Variants in MAP3K13 observed in about 807,000 individuals in gnomAD.
The protein encoded by MAP3K13 is leucine zipper-bearing kinase.
MAP3K13 carries 52 observed loss-of-function variants against 104.0 expected under a neutral mutation model. That is an observed-to-expected ratio of 0.50 (90% CI 0.40 to 0.63). MAP3K13 has a LOEUF of 0.63. Ranked by LOEUF, MAP3K13 falls within the 20% of genes least tolerant of loss-of-function variation. The pLI is 0.00. For synonymous variants in MAP3K13, 394 were observed against 442.2 expected (o/e 0.89, Z 1.37); for missense variants, 914 against 1,218.5 (o/e 0.75, Z 3.72).
In MAP3K13 at chr3:185,463,768, C is replaced by T. The variant is rs115428905; in HGVS notation, c.1388+109C>T. Reference sequence around the variant, plus strand: ...ACTTTCCACACACCTTTCACCTCTGCTTTTTATTGTTATGCTCTTTAAAAG... The same window carrying T: ...ACTTTCCACACACCTTTCACCTCTGTTTTTTATTGTTATGCTCTTTAAAAG... On this transcript the variant is annotated intron_variant, in intron 8 of 13. Transcript: ENST00000265026. 808 of 605,708 alleles carry T rather than the reference C, an allele frequency of 1.3e-3. 10 individuals carry two copies. The African/African-American group carries it at 0.013, about 10-fold the overall frequency. The allele number at this position is 605,708 out of a possible 1,614,324, so 37.5% of individuals were successfully genotyped here.
chr3:185,454,639 G>GATATATATATT (rs1431478279), intron 7 of MAP3K13, among the ~76,000 whole-genome samples: 1 of 11,206 alleles, frequency 8.9e-5, no homozygotes, highest in Non-Finnish European at 4.1e-4. Context: ...ATATATATGA[G>GATATATATATT]ATATATATAT....
intron 2 of MAP3K13, among the ~76,000 whole-genome samples, chr3:185,331,760 C>T (rs1416493566): frequency 2.0e-5 from 3 of 152,156 alleles, no homozygotes; most frequent in African/African-American, 7.2e-5. Context: ...CATTCAGCTC[C>T]CATTCAGGGT....
At chr3:185,366,548 C>T (rs1004237400) in intron 1 of MAP3K13, among the ~76,000 whole-genome samples, 1 of 152,144 alleles carries the variant, frequency 6.6e-6, no homozygotes, top group Non-Finnish European at 1.5e-5. Context: ...TTTTACATTC[C>T]CATCAGCAAT....
chr3:185,317,242 C>G (rs1240405226), intron 2 of MAP3K13, among the ~76,000 whole-genome samples: 2 of 152,160 alleles, frequency 1.3e-5, no homozygotes, highest in Non-Finnish European at 2.9e-5. Flanking sequence ...ATTGTTCTTT[C>G]GCCTTCTGAA....
chr3:185,336,209 G>T (rs1722493616), intron 2 of MAP3K13, among the ~76,000 whole-genome samples: 1 of 152,080 alleles, frequency 6.6e-6, no homozygotes, highest in African/African-American at 2.4e-5. Context: ...ATCTCAAAAA[G>T]AAGTCAAAAT....
intron 2 of MAP3K13, among the ~76,000 whole-genome samples, chr3:185,352,710 T>G (rs1489360322): frequency 6.6e-6 from 1 of 152,206 alleles, no homozygotes; most frequent in East Asian, 1.9e-4. Context: ...ATTAAAAAAA[T>G]GTATACTTGA....
chr3:185,409,836 A>G (rs901292885), intron 1 of MAP3K13, among the ~76,000 whole-genome samples: 1 of 152,168 alleles, frequency 6.6e-6, no homozygotes, highest in Non-Finnish European at 1.5e-5. Flanking sequence ...TTGCAGCAAC[A>G]TGGATGAGCC....
chr3:185,346,448 CTT>C (rs1353336336), intron 2 of MAP3K13, among the ~76,000 whole-genome samples: 1 of 152,156 alleles, frequency 6.6e-6, no homozygotes, highest in Non-Finnish European at 1.5e-5. Context: ...TTTTTTCACA[CTT>C]TGTCATGAAT....
At chr3:185,442,163 C>A (rs1398492099) in intron 3 of MAP3K13, among the ~76,000 whole-genome samples, 4 of 151,144 alleles carry the variant, frequency 2.6e-5, no homozygotes, top group Admixed American at 2.6e-4. Context: ...GCACTCCAAC[C>A]TGGATGACAG....
At chr3:185,320,229 C>T (rs1177601733) in intron 2 of MAP3K13, among the ~76,000 whole-genome samples, 1 of 151,870 alleles carries the variant, frequency 6.6e-6, no homozygotes, top group Non-Finnish European at 1.5e-5. Flanking sequence ...TACAGGCGCC[C>T]GCCACCACGC....
chr3:185,327,728 A>G (rs771400755), intron 2 of MAP3K13, among the ~76,000 whole-genome samples: 3 of 152,156 alleles, frequency 2.0e-5, no homozygotes, highest in African/African-American at 4.8e-5. Flanking sequence ...CCTGGTCAAC[A>G]TGGTGAAACC....
intron 7 of MAP3K13, among the ~76,000 whole-genome samples, chr3:185,457,215 G>A (rs1716813554): frequency 6.6e-6 from 1 of 152,114 alleles, no homozygotes; most frequent in East Asian, 1.9e-4. Context: ...ACTCAGAAAA[G>A]GTTGTCTTGG....
In MAP3K13 at chr3:185,455,248, TATATATGAG is replaced by T. The variant is rs1487238998; in HGVS notation, c.1278+3869_1278+3877del. On this transcript the variant is annotated intron_variant, in intron 7 of 13. Transcript: ENST00000265026. ...TGATATATATGAGATATATATATGA[TATATATGAG>T]ATATATGAGATATATATGAGATATA... Among the ~76,000 whole-genome samples the T allele has an allele frequency of 1.3e-3, 64 of 50,366 alleles. 8 individuals carry two copies. Among genetic ancestry groups the T allele is most frequent in the Non-Finnish European group, 2.3e-3 (56 of 23,960 alleles). 33.0% of individuals were successfully genotyped at this position (50,366 alleles called of 152,430 possible). A position where few individuals can be genotyped will look rare whatever the true frequency, so the allele number is the denominator to read the frequency against.
At chr3:185,432,145 A>C (rs1453289961) in intron 2 of MAP3K13, among the ~76,000 whole-genome samples, 3 of 147,014 alleles carry the variant, frequency 2.0e-5, no homozygotes, top group African/African-American at 7.6e-5. Context: ...AATTAAAATC[A>C]CCTGTCTTTC....
rs1221516986 is a variant in MAP3K13 at position 185,299,722 on chromosome 3, G to A, written c.-86+14079G>A. On this transcript the variant is annotated intron_variant, in intron 2 of 14. Coordinates refer to the MAP3K13 transcript ENST00000424227. ...GCTGGGACTACAGGCGCCCGCCACCGCGCCCGGCTAATTTTTTGTATTTTT... is the reference window on the plus strand; with the variant it reads ...GCTGGGACTACAGGCGCCCGCCACCACGCCCGGCTAATTTTTTGTATTTTT... Among the ~76,000 whole-genome samples the A allele has an allele frequency of 4.3e-5, 2 of 46,728 alleles. 1 individual carries two copies. The allele number at this position is 46,728 out of a possible 152,430, so 30.7% of individuals were successfully genotyped here. A position where few individuals can be genotyped will look rare whatever the true frequency, so the allele number is the denominator to read the frequency against.
intron 2 of MAP3K13, among the ~76,000 whole-genome samples, chr3:185,339,248 G>A (rs1259145746): frequency 2.0e-5 from 3 of 152,198 alleles, no homozygotes; most frequent in African/African-American, 7.2e-5. Flanking sequence ...GAACCAGGGA[G>A]GCGGAGGTTG....
chr3:185,417,752 G>A lies in MAP3K13; in HGVS notation c.-85-10745G>A, dbSNP rs1291301070. 12 of 1,612,310 alleles carry A rather than the reference G, an allele frequency of 7.4e-6. No homozygotes were observed. In the East Asian group the frequency reaches 2.7e-4, roughly 36 times the overall value. ...ACCCGGAGCTTGTGATTCCTGGCCT[G>A]GCGAAGAATGGTGTTCCGGCGCATG... On this transcript the variant is annotated intron_variant, in intron 1 of 13. Coordinates refer to ENST00000265026, the MANE Select transcript of MAP3K13 (RefSeq NM_004721.5).
At chr3:185,343,073 T>A (rs1034167344) in intron 2 of MAP3K13, among the ~76,000 whole-genome samples, 1 of 152,162 alleles carries the variant, frequency 6.6e-6, no homozygotes, top group African/African-American at 2.4e-5. Context: ...TTCCCCAACA[T>A]GGCCACTAGC....
chr3:185,301,302 AT>A (rs1721099345), intron 2 of MAP3K13, among the ~76,000 whole-genome samples: 1 of 131,072 alleles, frequency 7.6e-6, no homozygotes, highest in African/African-American at 2.5e-5. Context: ...TTCTTTGCCC[AT>A]TTTTAAATTG....
Sources: allele counts gnomAD v4.1 joint callset (sites outside exome capture counted in the v4.1 genomes callset), GRCh38; gene constraint gnomAD v4.1.1; transcripts MANE v1.5; gene names NCBI Gene and HGNC (gene_info 2026-07-23, HGNC 2026-07-21).